Variants in RAB38 observed in about 807,000 individuals in gnomAD.
RAB38 encodes ras-related protein Rab-38.
Under a neutral mutation model 18.4 loss-of-function variants are expected in RAB38, and 15 were observed. The observed-to-expected ratio is 0.82, with a 90% CI of 0.55 to 1.26. The LOEUF (loss-of-function observed/expected upper bound fraction) is 1.26, where lower values mean the gene tolerates loss of function less well. RAB38 is among the 50% of genes most tolerant of loss of function. The probability of loss-of-function intolerance (pLI) is 0.00; values close to 1 mark genes in which losing one functional copy is unlikely to be tolerated. For missense variants in RAB38, 294 were observed against 267.4 expected, an observed-to-expected ratio of 1.10 and a Z score of -0.69; for synonymous variants, 101 against 104.4, an observed-to-expected ratio of 0.97 and a Z score of 0.20.
At chr11:87,926,674 A>C in the RAB38 span, among the ~76,000 whole-genome samples, 1 of 152,044 alleles carries the variant, frequency 6.6e-6, no homozygotes, top group African/African-American at 2.4e-5. Flanking sequence ...GGCAGGTGAC[A>C]GTCTGGGGCT....
intron 2 of RAB38, among the ~76,000 whole-genome samples, chr11:88,144,313 G>A (rs749630982): frequency 1.2e-4 from 18 of 152,188 alleles, no homozygotes; most frequent in Non-Finnish European, 1.8e-4. Flanking sequence ...AAATTATTTG[G>A]AGATGGATGC....
the RAB38 span, among the ~76,000 whole-genome samples, chr11:88,026,889 G>A: frequency 3.3e-5 from 5 of 152,028 alleles, no homozygotes; most frequent in African/African-American, 7.2e-5. Flanking sequence ...ATCAAATCTC[G>A]AGATAACAAA....
the RAB38 span, among the ~76,000 whole-genome samples, chr11:87,956,945 C>T: frequency 6.7e-6 from 1 of 149,516 alleles, no homozygotes; most frequent in Non-Finnish European, 1.5e-5. Flanking sequence ...CAGGACTGTC[C>T]ATTCCTCATT....
At chr11:87,899,688 C>A in the RAB38 span, among the ~76,000 whole-genome samples, 8,968 of 151,598 alleles carry the variant, frequency 0.059, 356 homozygotes, top group Non-Finnish European at 0.086. Context: ...CCCCTATAAG[C>A]TCAGGAATGG....
chr11:87,963,740 G>C, the RAB38 span, among the ~76,000 whole-genome samples: 1 of 150,632 alleles, frequency 6.6e-6, no homozygotes, highest in Non-Finnish European at 1.5e-5. Context: ...TCTGCCTCCC[G>C]GGTTCAAGTG....
chr11:88,160,487 T>C (rs1377718450), intron 1 of RAB38, among the ~76,000 whole-genome samples: 2 of 152,132 alleles, frequency 1.3e-5, no homozygotes, highest in Non-Finnish European at 2.9e-5. Context: ...CTTTTGTATA[T>C]ATCCAAAAGA....
At chr11:88,110,967 C>T (rs544304658), downstream of RAB38, among the ~76,000 whole-genome samples, 1 of 151,946 alleles carries the variant, frequency 6.6e-6, no homozygotes, top group African/African-American at 2.4e-5. Flanking sequence ...GAGGTGAAAC[C>T]CTGTCTCTAC....
At chr11:87,948,404 T>C in the RAB38 span, among the ~76,000 whole-genome samples, 2 of 152,020 alleles carry the variant, frequency 1.3e-5, no homozygotes, top group Non-Finnish European at 2.9e-5. Context: ...TCCTGCCTGA[T>C]TGCCCTGGCC....
chr11:87,972,722 G>C, the RAB38 span, among the ~76,000 whole-genome samples: 33 of 152,054 alleles, frequency 2.2e-4, no homozygotes, highest in Non-Finnish European at 2.6e-4. Context: ...CTATATATTT[G>C]AGGTAACCTC....
the RAB38 span, among the ~76,000 whole-genome samples, chr11:87,857,969 T>C: frequency 6.6e-6 from 1 of 152,130 alleles, no homozygotes; most frequent in African/African-American, 2.4e-5. Context: ...ATTGCCTAGG[T>C]TTTCTTCTAG....
the RAB38 span, among the ~76,000 whole-genome samples, chr11:87,959,683 G>A: frequency 6.6e-6 from 1 of 152,178 alleles, no homozygotes; most frequent in African/African-American, 2.4e-5. Context: ...AGTAATATGA[G>A]CAACTTTTGC....
At chr11:87,851,850 T>G in the RAB38 span, among the ~76,000 whole-genome samples, 1 of 152,108 alleles carries the variant, frequency 6.6e-6, no homozygotes, top group South Asian at 2.1e-4. Context: ...CTAGACACTT[T>G]TAGGGTCTCT....
intron 1 of RAB38, chr11:88,173,550 T>A: frequency 1.0e-6 from 1 of 985,448 alleles, no homozygotes; most frequent in Middle Eastern, 5.2e-4. Context: ...GACATAGAAC[T>A]TCTCTGCTGT....
At chr11:88,099,440 A>C in the RAB38 span, among the ~76,000 whole-genome samples, 1 of 151,932 alleles carries the variant, frequency 6.6e-6, no homozygotes, top group Non-Finnish European at 1.5e-5. Flanking sequence ...CCGAAAATCA[A>C]AACGAGGGGA....
the RAB38 span, among the ~76,000 whole-genome samples, chr11:88,088,543 T>C: frequency 9.9e-4 from 150 of 151,992 alleles, no homozygotes; most frequent in African/African-American, 3.5e-3. Flanking sequence ...ATATTTTCAT[T>C]TGTGGGTAAG....
At chr11:87,896,464 T>C in the RAB38 span, among the ~76,000 whole-genome samples, 1 of 151,636 alleles carries the variant, frequency 6.6e-6, no homozygotes, top group Non-Finnish European at 1.5e-5. Flanking sequence ...TGCAGACACA[T>C]CACAACAAAT....
At chr11:87,868,584 A>G in the RAB38 span, among the ~76,000 whole-genome samples, 12 of 6,006 alleles carry the variant, frequency 2.0e-3, no homozygotes, top group Admixed American at 4.1e-3. Context: ...TGAGGGAGAG[A>G]GAGAGAGAGA....
chr11:87,972,226 T>A, the RAB38 span, among the ~76,000 whole-genome samples: 1 of 152,158 alleles, frequency 6.6e-6, no homozygotes, highest in Admixed American at 6.6e-5. Flanking sequence ...TTAGCCCACA[T>A]AGCAAGGTGA....
At chr11:87,971,456 G>C in the RAB38 span, among the ~76,000 whole-genome samples, 2 of 152,156 alleles carry the variant, frequency 1.3e-5, no homozygotes. Flanking sequence ...CTGCAAATTG[G>C]AGGGAGCCTG....
Sources: allele counts gnomAD v4.1 joint callset (sites outside exome capture counted in the v4.1 genomes callset), GRCh38; gene constraint gnomAD v4.1.1; transcripts MANE v1.5; gene names NCBI Gene and HGNC (gene_info 2026-07-23, HGNC 2026-07-21).